KIAA1217: variants seen among roughly 807,000 people sequenced by gnomAD.
KIAA1217 encodes the protein KIAA1217, also known as sickle tail protein homolog.
A neutral mutation model predicts 163.9 loss-of-function variants in KIAA1217; 88 were observed. That is an observed-to-expected ratio of 0.54 (90% CI 0.45 to 0.64). KIAA1217 has a LOEUF of 0.64. Ranked by LOEUF, KIAA1217 falls within the 30% of genes least tolerant of loss-of-function variation. The probability of loss-of-function intolerance (pLI) is 0.00; values close to 1 mark genes in which losing one functional copy is unlikely to be tolerated. For missense variants in KIAA1217, 2,372 were observed against 2,475.0 expected (o/e 0.96, Z 0.88); for synonymous variants, 903 against 923.1 (o/e 0.98, Z 0.39).
At chr10:24,200,558 CCA>C (rs2067209449) in intron 2 of KIAA1217, among the ~76,000 whole-genome samples, 2 of 152,176 alleles carry the variant, frequency 1.3e-5, no homozygotes, top group African/African-American at 4.8e-5. Context: ...CCAACTCAAC[CCA>C]GTTTTCCTGG....
intron 5 of KIAA1217, among the ~76,000 whole-genome samples, chr10:24,459,597 A>G (rs1043916730): frequency 1.3e-5 from 2 of 151,858 alleles, no homozygotes; most frequent in African/African-American, 4.8e-5. Context: ...CCTTAGAGAA[A>G]GTCTACATGA....
intron 5 of KIAA1217, among the ~76,000 whole-genome samples, chr10:24,457,901 A>T (rs1592106249): frequency 2.6e-5 from 4 of 152,132 alleles, no homozygotes. Context: ...GTTCTTTCTC[A>T]TGAGCTACTC....
chr10:23,889,193 G>A, intron 1 of KIAA1217, among the ~76,000 whole-genome samples: 1 of 151,734 alleles, frequency 6.6e-6, no homozygotes, highest in East Asian at 2.0e-4. Context: ...GAATACTTTT[G>A]GCTCATAGCG....
At position 24,397,407 on chromosome 10, in the gene KIAA1217, C is replaced by T. The variant is rs114076694; in HGVS notation, c.553+16340C>T. On this transcript the variant is annotated intron_variant, in intron 3 of 20. Transcript: ENST00000376454. Reference sequence around the variant, plus strand: ...CTGGCTGATGTAAGAAACTCTTAACCGAGGATATGATGCAAACATCACCAT... The same window carrying T: ...CTGGCTGATGTAAGAAACTCTTAACTGAGGATATGATGCAAACATCACCAT... Among the ~76,000 whole-genome samples the T allele has an allele frequency of 8.2e-3, 1,247 of 152,160 alleles. 18 individuals carry two copies. Among genetic ancestry groups the T allele is most frequent in the African/African-American group, 0.028 (1,158 of 41,504 alleles).
rs67342339 is a variant in KIAA1217 at position 23,765,187 on chromosome 10, C to CTTTTTTTTTTTTTTTTTTTTTTT, written c.-321+69956_-321+69978dup. ...TCTTTTGTTTTCCCTTTTTTGTTCT[C>CTTTTTTTTTTTTTTTTTTTTTTT]TTTTTTTTTTTTTTTTTTTTTTTTT... On this transcript the variant is annotated intron_variant, in intron 1 of 18. Coordinates refer to the KIAA1217 transcript ENST00000376462. Among the ~76,000 whole-genome samples the CTTTTTTTTTTTTTTTTTTTTTTT allele has an allele frequency of 6.6e-5, 5 of 75,358 alleles. 2 individuals carry two copies. The highest frequency in any genetic ancestry group is 9.3e-5 in the Non-Finnish European group (4 of 43,102). The allele number at this position is 75,358 out of a possible 152,430, so 49.4% of individuals were successfully genotyped here.
intron 1 of KIAA1217, among the ~76,000 whole-genome samples, chr10:23,774,475 G>C (rs1335413858): frequency 6.6e-6 from 1 of 152,168 alleles, no homozygotes; most frequent in African/African-American, 2.4e-5. Flanking sequence ...ATGACCCAGG[G>C]GCTTGGCGCC....
intron 5 of KIAA1217, among the ~76,000 whole-genome samples, chr10:24,447,841 A>C (rs1403605482): frequency 6.6e-6 from 1 of 152,162 alleles, no homozygotes; most frequent in African/African-American, 2.4e-5. Context: ...ATAGAAGTTA[A>C]TTACCCTGGG....
intron 1 of KIAA1217, among the ~76,000 whole-genome samples, chr10:24,217,872 G>A (rs1305651033): frequency 1.3e-5 from 2 of 152,154 alleles, no homozygotes; most frequent in African/African-American, 4.8e-5. Flanking sequence ...AAAAGATTTA[G>A]AGGTAGAAGG....
intron 2 of KIAA1217, among the ~76,000 whole-genome samples, chr10:24,100,987 C>T (rs973716994): frequency 3.9e-5 from 6 of 152,178 alleles, no homozygotes; most frequent in Non-Finnish European, 7.4e-5. Flanking sequence ...ATTTTGTGGC[C>T]ACTTTGTGGC....
chr10:24,018,345 A>G (rs968769396), intron 2 of KIAA1217, among the ~76,000 whole-genome samples: 1 of 152,072 alleles, frequency 6.6e-6, no homozygotes, highest in Non-Finnish European at 1.5e-5. Flanking sequence ...ACATAACATT[A>G]AACAGTGAAA....
chr10:23,954,673 A>AT (rs1311137743), intron 1 of KIAA1217, among the ~76,000 whole-genome samples: 1 of 152,120 alleles, frequency 6.6e-6, no homozygotes, highest in Non-Finnish European at 1.5e-5. Flanking sequence ...AAGAAAAAAA[A>AT]GGAAAGTGAA....
At chr10:24,463,592 C>T (rs2062650894) in intron 5 of KIAA1217, among the ~76,000 whole-genome samples, 1 of 152,216 alleles carries the variant, frequency 6.6e-6, no homozygotes, top group South Asian at 2.1e-4. Context: ...CCTTCCCTTC[C>T]TAATATCATC....
chr10:23,765,409 G>C (rs1164347592), intron 1 of KIAA1217, among the ~76,000 whole-genome samples: 1 of 151,684 alleles, frequency 6.6e-6, no homozygotes, highest in Non-Finnish European at 1.5e-5. Flanking sequence ...TCCTGACCTC[G>C]TGATCCACCC....
intron 6 of KIAA1217, among the ~76,000 whole-genome samples, chr10:24,486,304 T>C (rs1294353780): frequency 6.6e-6 from 1 of 152,166 alleles, no homozygotes; most frequent in Non-Finnish European, 1.5e-5. Context: ...AGGGTCAAAG[T>C]GAGAGTCCCT....
intron 2 of KIAA1217, among the ~76,000 whole-genome samples, chr10:24,189,085 G>A (rs2066585549): frequency 7.0e-6 from 1 of 142,066 alleles, no homozygotes; most frequent in Non-Finnish European, 1.5e-5. Context: ...CAGCCTGGGT[G>A]ACAGAGCGAG....
chr10:24,458,366 T>A (rs1479191705), intron 5 of KIAA1217, among the ~76,000 whole-genome samples: 1 of 152,188 alleles, frequency 6.6e-6, no homozygotes, highest in Non-Finnish European at 1.5e-5. Flanking sequence ...GAAGATTTTT[T>A]TTGCTCCCCA....
At chr10:24,405,232 G>A (rs1285953370) in intron 3 of KIAA1217, among the ~76,000 whole-genome samples, 3 of 152,100 alleles carry the variant, frequency 2.0e-5, no homozygotes, top group East Asian at 3.9e-4. Flanking sequence ...TATATAATTG[G>A]GGGAGGGAGG....
At chr10:23,920,230 G>A (rs957151687) in intron 1 of KIAA1217, among the ~76,000 whole-genome samples, 2 of 152,148 alleles carry the variant, frequency 1.3e-5, no homozygotes, top group Admixed American at 6.5e-5. Context: ...TCAGGTAAAA[G>A]GAGAGGGACT....
chr10:24,351,519 C>T (rs2048459503), intron 2 of KIAA1217, among the ~76,000 whole-genome samples: 1 of 152,062 alleles, frequency 6.6e-6, no homozygotes, highest in African/African-American at 2.4e-5. Context: ...ATGGAGGGGT[C>T]AGAGTCTTGT....
Sources: gnomAD v4.1 joint callset for allele counts (sites outside exome capture counted in the v4.1 genomes callset) on GRCh38, gnomAD v4.1.1 for gene constraint, MANE v1.5 for transcripts, NCBI Gene and HGNC (gene_info 2026-07-23, HGNC 2026-07-21) for gene names.